Variants in EXOC6 observed in about 807,000 individuals in gnomAD.
The protein encoded by EXOC6 is SEC15-like 1.
EXOC6 carries 60 observed loss-of-function variants against 112.5 expected under a neutral mutation model. The observed-to-expected ratio is 0.53, with a 90% CI of 0.43 to 0.66. The LOEUF (loss-of-function observed/expected upper bound fraction) is 0.66. Among genes scored for constraint, EXOC6 ranks in the 30% least tolerant of loss-of-function variants. The pLI, the probability that EXOC6 is intolerant of heterozygous loss-of-function variation, is 0.00. For missense variants in EXOC6, 855 were observed against 957.1 expected (o/e 0.89, Z 1.41); for synonymous variants, 295 against 308.0 (o/e 0.96, Z 0.44).
chr10:92,867,467 G>A (rs764598411), intron 1 of EXOC6, among the ~76,000 whole-genome samples: 15 of 152,092 alleles, frequency 9.9e-5, no homozygotes, highest in Non-Finnish European at 1.8e-4. Context: ...TGCTGCTTGG[G>A]TTTTACTTCT....
intron 20 of EXOC6, among the ~76,000 whole-genome samples, chr10:93,045,735 C>A (rs1768407428): frequency 6.6e-6 from 1 of 152,206 alleles, no homozygotes. Flanking sequence ...GGTCTTTGAG[C>A]TTCATTGGTG....
chr10:92,843,585 C>G (rs1323881935), upstream of EXOC6, among the ~76,000 whole-genome samples: 1 of 151,796 alleles, frequency 6.6e-6, no homozygotes, highest in Admixed American at 6.6e-5. Context: ...CGCGGTGGCT[C>G]ACGCCTGTAA....
chr10:92,888,854 A>C (rs1009051086), intron 1 of EXOC6, among the ~76,000 whole-genome samples: 1 of 152,214 alleles, frequency 6.6e-6, no homozygotes, highest in Non-Finnish European at 1.5e-5. Context: ...TTCTTGTTAT[A>C]TATGTTAATT....
intron 20 of EXOC6, among the ~76,000 whole-genome samples, chr10:93,036,626 TTACTGGG>T (rs1432358370): frequency 9.2e-5 from 14 of 152,146 alleles, no homozygotes; most frequent in Admixed American, 9.2e-4. Context: ...AGAAGTGGAA[TTACTGGG>T]TACTGCTGAA....
intron 18 of EXOC6, among the ~76,000 whole-genome samples, chr10:92,977,738 G>C (rs1842686165): frequency 6.6e-6 from 1 of 151,972 alleles, no homozygotes; most frequent in African/African-American, 2.4e-5. Flanking sequence ...GTCATGTATT[G>C]CTTTGAGGTG....
At chr10:93,015,535 C>A (rs1844463599) in intron 20 of EXOC6, among the ~76,000 whole-genome samples, 1 of 152,160 alleles carries the variant, frequency 6.6e-6, no homozygotes, top group South Asian at 2.1e-4. Flanking sequence ...AGATCAAGAT[C>A]ATCTTGGCTA....
Position 92,928,329 on chromosome 10 carries a change from T to G in EXOC6, c.889-10T>G. On this transcript the variant is annotated splice_polypyrimidine_tract_variant and intron_variant, in intron 8 of 21. Coordinates refer to ENST00000260762, the MANE Select transcript of EXOC6 (RefSeq NM_019053.6). ...GTGTATTTTTCATTACTCTGCTGAT[T>G]TTATTTTAGGGTGACGAGGAAACAT... 3 of 1,580,288 alleles carry G rather than the reference T, an allele frequency of 1.9e-6. No homozygotes were observed. The highest frequency in any genetic ancestry group is 2.6e-6 in the Non-Finnish European group (3 of 1,152,142).
At chr10:92,837,601 T>C (rs1795678946) in intron 1 of EXOC6, among the ~76,000 whole-genome samples, 1 of 152,188 alleles carries the variant, frequency 6.6e-6, no homozygotes, top group African/African-American at 2.4e-5. Context: ...AAGTCAAGAC[T>C]GCGGCGAGCT....
intron 18 of EXOC6, among the ~76,000 whole-genome samples, chr10:92,994,214 A>G (rs1446043593): frequency 6.6e-6 from 1 of 152,246 alleles, no homozygotes; most frequent in South Asian, 2.1e-4. Flanking sequence ...TTTTTGAGAC[A>G]TGAATCTAGA....
chr10:92,955,560 A>T lies in EXOC6; in HGVS notation c.1639-20A>T, dbSNP rs776385918. The T allele has an allele frequency of 1.3e-6, 2 of 1,598,214 alleles. No individual in the cohort carries two copies. The highest frequency in any genetic ancestry group is 1.7e-6 in the Non-Finnish European group (2 of 1,170,262). On this transcript the variant is annotated intron_variant, in intron 16 of 21. Coordinates refer to ENST00000260762, the MANE Select transcript of EXOC6 (RefSeq NM_019053.6). ...ATACATGTAACCTGTATTTTACTAG[A>T]TATATCTTGTGTTTTCTAGCTGGTA... is the stretch of plus-strand genomic sequence containing the variant.
At chr10:92,919,235 G>A (rs1023163636) in intron 7 of EXOC6, among the ~76,000 whole-genome samples, 3 of 151,996 alleles carry the variant, frequency 2.0e-5, no homozygotes, top group African/African-American at 7.3e-5. Context: ...TGGTTTCCCT[G>A]TTCTCTCAGA....
At chr10:92,913,754 AT>A (rs1486338218) in intron 6 of EXOC6, among the ~76,000 whole-genome samples, 1 of 152,084 alleles carries the variant, frequency 6.6e-6, no homozygotes, top group African/African-American at 2.4e-5. Flanking sequence ...TAGACTGTGA[AT>A]TTTTTAAGTG....
At chr10:92,879,695 CA>C (rs1482522458) in intron 1 of EXOC6, among the ~76,000 whole-genome samples, 2 of 152,068 alleles carry the variant, frequency 1.3e-5, no homozygotes, top group Non-Finnish European at 2.9e-5. Flanking sequence ...GATTTCCCAT[CA>C]GTTTTCAATA....
chr10:92,972,132 A>G lies in EXOC6; in HGVS notation c.1774-1921A>G, dbSNP rs146881082. Among the ~76,000 whole-genome samples, 500 of 152,328 alleles carry G rather than the reference A, an allele frequency of 3.3e-3. 3 individuals are homozygous for G. The highest frequency in any genetic ancestry group is 0.011 in the African/African-American group (474 of 41,576). Reference sequence around the variant, plus strand: ...TAGTCTTTGCCAAAGGGCTCCGTGCACATGTTGGGGTGTGTCTTAAACACT... The same window carrying G: ...TAGTCTTTGCCAAAGGGCTCCGTGCGCATGTTGGGGTGTGTCTTAAACACT... On this transcript the variant is annotated intron_variant, in intron 17 of 21. Coordinates refer to ENST00000260762, the MANE Select transcript of EXOC6 (RefSeq NM_019053.6).
At chr10:92,829,568 T>TAG (rs1846439963) in intron 1 of EXOC6, among the ~76,000 whole-genome samples, 1 of 152,166 alleles carries the variant, frequency 6.6e-6, no homozygotes, top group African/African-American at 2.4e-5. Context: ...ATATGTTTCC[T>TAG]AGAGACTGTG....
At chr10:92,876,813 C>A (rs1000439458) in intron 1 of EXOC6, among the ~76,000 whole-genome samples, 1 of 152,306 alleles carries the variant, frequency 6.6e-6, no homozygotes, top group Non-Finnish European at 1.5e-5. Context: ...AAATCACTGA[C>A]ACTTTTACCC....
chr10:92,915,872 T>A lies in EXOC6; in HGVS notation c.778T>A (p.Leu260Met). Reference protein sequence around the residue: ...RIPEERNETVLKHSLEEEDEN... With the variant: ...RIPEERNETVMKHSLEEEDEN... Reference sequence around the variant, plus strand: ...TCCAGAGGAAAGGAATGAAACTGTATTGAAACATTCACTTGAAGAAGAGGA... The same window carrying A: ...TCCAGAGGAAAGGAATGAAACTGTAATGAAACATTCACTTGAAGAAGAGGA... Residue 260 changes from leucine (L) to methionine (M), a missense_variant, in exon 7 of 22, where the codon TTG (leucine) becomes ATG (methionine). Leu to Met is a conservative substitution (Grantham distance 15). Transcript: ENST00000260762. The A allele has an allele frequency of 1.3e-6, 2 of 1,549,884 alleles. No individual in the cohort carries two copies. The highest frequency in any genetic ancestry group is 1.7e-6 in the Non-Finnish European group (2 of 1,158,446).
rs555375345 is a variant in EXOC6 at position 92,966,841 on chromosome 10, C to G, written c.1774-7212C>G. Among the ~76,000 whole-genome samples the G allele has an allele frequency of 1.2e-4, 18 of 147,754 alleles. No homozygotes were observed. In the South Asian group the frequency reaches 4.1e-3, roughly 33 times the overall value. On this transcript the variant is annotated intron_variant, in intron 17 of 21. Transcript: ENST00000260762. ...GCTGGGTCAAATGGTATTTCTAGTT[C>G]TAGATCCCTGCGGAATCGCCACACT...
At chr10:92,934,625 A>C (rs1476664771) in intron 11 of EXOC6, among the ~76,000 whole-genome samples, 195 bp downstream of exon 11, 1 of 152,162 alleles carries the variant, frequency 6.6e-6, no homozygotes, top group Non-Finnish European at 1.5e-5. Flanking sequence ...GGGGCTTCCC[A>C]AAACACCTTT....
Sources: gnomAD v4.1 joint callset for allele counts (sites outside exome capture counted in the v4.1 genomes callset) on GRCh38, gnomAD v4.1.1 for gene constraint, MANE v1.5 for transcripts, NCBI Gene and HGNC (gene_info 2026-07-23, HGNC 2026-07-21) for gene names.